BEGAIN: variants seen among roughly 807,000 people sequenced by gnomAD.
The protein encoded by BEGAIN is brain-enriched guanylate kinase-associated protein.
BEGAIN carries 19 observed loss-of-function variants against 35.8 expected under a neutral mutation model. That is an observed-to-expected ratio of 0.53 (90% CI 0.37 to 0.78). The LOEUF is 0.78. Ranked by LOEUF, BEGAIN falls within the 30% of genes least tolerant of loss-of-function variation. The pLI, the probability that BEGAIN is intolerant of heterozygous loss-of-function variation, is 0.00. For synonymous variants in BEGAIN, 462 were observed against 388.6 expected, an observed-to-expected ratio of 1.19 and a Z score of -2.22; for missense variants, 795 against 853.6, an observed-to-expected ratio of 0.93 and a Z score of 0.85.
intron 1 of BEGAIN, among the ~76,000 whole-genome samples, chr14:100,582,380 T>C (rs2035338580): frequency 6.6e-6 from 1 of 152,134 alleles, no homozygotes. Context: ...CCTGACCTCG[T>C]GATCGGCCCA....
chr14:100,556,921 C>T (rs530528242), intron 2 of BEGAIN, among the ~76,000 whole-genome samples: 2 of 152,318 alleles, frequency 1.3e-5, no homozygotes, highest in South Asian at 4.1e-4. Flanking sequence ...GGTCACAGGC[C>T]GCTGCTGTCC....
chr14:100,560,664 G>A (rs1401775446), intron 2 of BEGAIN, among the ~76,000 whole-genome samples: 1 of 152,236 alleles, frequency 6.6e-6, no homozygotes, highest in Non-Finnish European at 1.5e-5. Context: ...CAGAGACATG[G>A]CACTGGCCAC....
Position 100,568,047 on chromosome 14 carries a change from C to G in BEGAIN, c.43-108G>C, listed in dbSNP as rs1356105184. ...ACGGCCGGGCAACCCCGCGGGGCCCCGTCCGTGGGAAGCCCGGCGCCGCGC... is the reference window on the plus strand; with the variant it reads ...ACGGCCGGGCAACCCCGCGGGGCCCGGTCCGTGGGAAGCCCGGCGCCGCGC... On this transcript the variant is annotated intron_variant, in intron 1 of 6. Coordinates refer to ENST00000554140, the MANE Select transcript of BEGAIN (RefSeq NM_001385089.1). This position sits in a 1 kb window ranked among gnomAD's most constrained non-coding sequence, Gnocchi z 7.5. The G allele has an allele frequency of 1.8e-6, 2 of 1,138,196 alleles. No individual in the cohort carries two copies. The allele number at this position is 1,138,196 out of a possible 1,614,324, so 70.5% of individuals were successfully genotyped here.
rs2034887545 is a variant in BEGAIN at position 100,568,247 on chromosome 14, C to T, written c.43-308G>A. 1.6e-6 allele frequency: 1 copy of T among 633,374 alleles called. No homozygotes were observed. The highest frequency in any genetic ancestry group is 2.2e-6 in the Non-Finnish European group (1 of 452,452). 39.2% of individuals were successfully genotyped at this position (633,374 alleles called of 1,614,324 possible). A position where few individuals can be genotyped will look rare whatever the true frequency, so the allele number is the denominator to read the frequency against. On this transcript the variant is annotated intron_variant, in intron 1 of 6. Coordinates refer to ENST00000554140, the MANE Select transcript of BEGAIN (RefSeq NM_001385089.1). This position sits in a 1 kb window ranked among gnomAD's most constrained non-coding sequence, Gnocchi z 7.5. ...CCGGCCAGGGGCGATCTCGGCCTCG[C>T]CCGGAGGAGGGGGACTCGGCCTGTC...
At chr14:100,546,932 C>T (rs555724812) in intron 2 of BEGAIN, 5 of 334,954 alleles carry the variant, frequency 1.5e-5, no homozygotes, top group Non-Finnish European at 2.7e-5. Flanking sequence ...GTCCCTCACA[C>T]AGGTAAATCC....
chr14:100,564,967 C>CT (rs2034571184), intron 2 of BEGAIN, among the ~76,000 whole-genome samples: 1 of 152,220 alleles, frequency 6.6e-6, no homozygotes, highest in South Asian at 2.1e-4. Context: ...CCTACCCATT[C>CT]TTCATGCCTT....
At chr14:100,546,780 GCA>G (rs879183769) in intron 2 of BEGAIN, 118 bp from the exon 3 acceptor site, 76,182 of 339,264 alleles carry the variant, frequency 0.22, 4,495 homozygotes, top group Middle Eastern at 0.28. Context: ...GCGCGCGCGC[GCA>G]CACACACACA....
chr14:100,551,794 G>C (rs1309165301), intron 2 of BEGAIN, among the ~76,000 whole-genome samples: 1 of 152,096 alleles, frequency 6.6e-6, no homozygotes, highest in Admixed American at 6.5e-5. Flanking sequence ...GCCACGAGTC[G>C]CACATTGATC....
chr14:100,537,694 A>C lies in BEGAIN; in HGVS notation c.*275T>G. On this transcript the variant is annotated 3_prime_UTR_variant, in exon 7 of 7. Transcript: ENST00000554140. ...TTCTCTATAAAAATAGTTTCGCTTT[A>C]TAAAAGGGGGGATGCTCCTCTCACA... 1 of 426,078 alleles carries C rather than the reference A, an allele frequency of 2.3e-6. No homozygotes were observed. Among genetic ancestry groups the C allele is most frequent in the Non-Finnish European group, 4.1e-6 (1 of 242,496 alleles). The allele number at this position is 426,078 out of a possible 1,614,324, so 26.4% of individuals were successfully genotyped here.
At chr14:100,582,513 T>C (rs943467673) in intron 1 of BEGAIN, among the ~76,000 whole-genome samples, 3 of 152,174 alleles carry the variant, frequency 2.0e-5, no homozygotes, top group African/African-American at 7.2e-5. Flanking sequence ...ACACTTGTGC[T>C]CCTAATCACC....
Position 100,538,453 on chromosome 14 carries a change from A to T in BEGAIN, c.1355T>A (p.Val452Glu). The change falls in exon 7 of 7, where the codon GTG becomes GAG. Residue 452 changes from valine (V) to glutamate (E), a missense_variant. This residue lies in a region of BEGAIN where 664 missense variants were observed against 647.7 expected (regional missense o/e 1.03). Transcript: ENST00000554140. Reference sequence around the variant, plus strand: ...GGGTGAGGCGCGGCCGGCAGCGCTCACGGGGTAGGAGTAGGCGCCGATGTC... The same window carrying T: ...GGGTGAGGCGCGGCCGGCAGCGCTCTCGGGGTAGGAGTAGGCGCCGATGTC... Reference protein sequence around the residue: ...VEDIGAYSYPVSAAGRASPCS... With the variant: ...VEDIGAYSYPESAAGRASPCS... 7 of 1,589,460 alleles carry T rather than the reference A, an allele frequency of 4.4e-6. No homozygotes were observed. The highest frequency in any genetic ancestry group is 6.0e-6 in the Non-Finnish European group (7 of 1,169,674).
chr14:100,540,305 C>A, intron 6 of BEGAIN, 191 bp downstream of exon 6: 1 of 592,280 alleles, frequency 1.7e-6, no homozygotes. Flanking sequence ...GGCTGCCCGG[C>A]TGCGTGAGGT....
chr14:100,565,260 C>T (rs1188363207), intron 2 of BEGAIN, among the ~76,000 whole-genome samples: 5 of 152,124 alleles, frequency 3.3e-5, no homozygotes, highest in African/African-American at 1.2e-4. Context: ...GTCATGTGGA[C>T]AAGAAGGCAG....
Position 100,539,061 on chromosome 14 carries a change from G to C in BEGAIN, c.747C>G (p.Asp249Glu). 7 of 1,612,596 alleles carry C rather than the reference G, an allele frequency of 4.3e-6. No individual in the cohort carries two copies. Among genetic ancestry groups the C allele is most frequent in the Non-Finnish European group, 5.9e-6 (7 of 1,179,650 alleles). ...PPYKGDIYCS[D>E]TALYCPEERR... ...GCTCCTCCGGGCAGTAGAGGGCTGT[G>C]TCACTGCAGTAGATGTCTCCCTTGT... Residue 249 changes from aspartate (D) to glutamate (E), a missense_variant, in exon 7 of 7, where the codon GAC becomes GAG. Physicochemically the swap from Asp to Glu is conservative, Grantham distance 45. This residue lies in a region of BEGAIN where 664 missense variants were observed against 647.7 expected (regional missense o/e 1.03). Transcript: ENST00000554140.
chr14:100,554,996 C>T (rs1436496126), intron 2 of BEGAIN, among the ~76,000 whole-genome samples: 3 of 152,232 alleles, frequency 2.0e-5, no homozygotes, highest in Non-Finnish European at 2.9e-5. Flanking sequence ...GGGGGTCACA[C>T]GCTCACCCTC....
At chr14:100,557,687 C>T (rs894543022) in intron 2 of BEGAIN, among the ~76,000 whole-genome samples, 2 of 152,114 alleles carry the variant, frequency 1.3e-5, no homozygotes, top group African/African-American at 2.4e-5. Context: ...GAGACAGCAG[C>T]GGGCAGATGG....
chr14:100,550,853 G>T (rs1347827457), intron 2 of BEGAIN, among the ~76,000 whole-genome samples: 1 of 152,178 alleles, frequency 6.6e-6, no homozygotes, highest in Non-Finnish European at 1.5e-5. Context: ...TGGGCGGGGG[G>T]CGCAGCAGCA....
chr14:100,553,280 T>C (rs1204156657), intron 2 of BEGAIN, among the ~76,000 whole-genome samples: 27 of 151,994 alleles, frequency 1.8e-4, no homozygotes, highest in Non-Finnish European at 1.5e-5. Flanking sequence ...CTCTCAGCCC[T>C]GAGAGGGATG....
At chr14:100,581,399 G>A (rs2035312408) in intron 1 of BEGAIN, among the ~76,000 whole-genome samples, 2 of 152,084 alleles carry the variant, frequency 1.3e-5, no homozygotes, top group South Asian at 2.1e-4. Flanking sequence ...GCCGGCTACC[G>A]TGGGCTCACG....
Sources: gnomAD v4.1 joint callset for allele counts (sites outside exome capture counted in the v4.1 genomes callset) on GRCh38, gnomAD v4.1.1 for gene constraint, gnomAD v4.1.1 regional missense constraint, Gnocchi (gnomAD v3.1) non-coding constraint, MANE v1.5 for transcripts, NCBI Gene and HGNC (gene_info 2026-07-23, HGNC 2026-07-21) for gene names.